BCO1: variants seen among roughly 807,000 people sequenced by gnomAD.
BCO1 encodes beta,beta-carotene 15,15'-dioxygenase.
BCO1 carries 54 observed loss-of-function variants against 56.3 expected under a neutral mutation model. That is an observed-to-expected ratio of 0.96 (90% CI 0.77 to 1.20). The LOEUF is 1.20. Among genes scored for constraint, BCO1 ranks in the 50% most tolerant of loss-of-function variants. The pLI is 0.00. For missense variants in BCO1, 801 were observed against 690.9 expected, an observed-to-expected ratio of 1.16 and a Z score of -1.79; for synonymous variants, 318 against 266.1, an observed-to-expected ratio of 1.20 and a Z score of -1.90.
At chr16:81,245,640 C>T (rs1389373314) in intron 2 of BCO1, 37 bp downstream of exon 2, 4 of 1,613,434 alleles carry the variant, frequency 2.5e-6, no homozygotes, top group Non-Finnish European at 3.4e-6. Context: ...ACTGCTGCAG[C>T]AAAGGACCCC....
intron 7 of BCO1, among the ~76,000 whole-genome samples, chr16:81,279,346 T>C (rs1354198603): frequency 6.6e-6 from 1 of 152,150 alleles, no homozygotes; most frequent in African/African-American, 2.4e-5. Context: ...AAGTCAGCCA[T>C]AACAATAATG....
At chr16:81,267,335 G>A (rs988357233) in intron 5 of BCO1, among the ~76,000 whole-genome samples, 7 of 152,090 alleles carry the variant, frequency 4.6e-5, no homozygotes, top group Admixed American at 1.3e-4. Flanking sequence ...AATTATGGCC[G>A]GGCGCAGTGG....
At chr16:81,251,888 G>A (rs1227798790) in intron 2 of BCO1, among the ~76,000 whole-genome samples, 1 of 150,824 alleles carries the variant, frequency 6.6e-6, no homozygotes, top group Non-Finnish European at 1.5e-5. Flanking sequence ...GTGTGTGTGT[G>A]TGTATATATA....
In BCO1 at chr16:81,285,833, G is replaced by A. The variant is rs12449108; in HGVS notation, c.1302+199G>A. Among the ~76,000 whole-genome samples the A allele has an allele frequency of 0.29, 44,350 of 151,978 alleles. 7,696 individuals are homozygous for A. Among genetic ancestry groups the A allele is most frequent in the African/African-American group, 0.48 (19,956 of 41,400 alleles). On this transcript the variant is annotated intron_variant, in intron 9 of 10. Coordinates refer to ENST00000258168, the MANE Select transcript of BCO1 (RefSeq NM_017429.3). ...TGGGCTAAGGTTCAGGTAAGAGGTT[G>A]TGGCTGGAGTTTATTCACTGATTTC...
intron 1 of BCO1, among the ~76,000 whole-genome samples, chr16:81,239,275 C>G (rs768912003): frequency 1.3e-5 from 2 of 152,022 alleles, no homozygotes; most frequent in Non-Finnish European, 2.9e-5. Context: ...CCTCGGCCTC[C>G]GAAAGTGCTA....
Position 81,259,790 on chromosome 16 carries a change from A to G in BCO1, c.308A>G (p.Lys103Arg), listed in dbSNP as rs776149387. ...ACAATGGCCTATCCGGACCCCTGCA[A>G]AAACATATTTTCCAAGTAACTGCCT... is the stretch of plus-strand genomic sequence containing the variant. ...FGTMAYPDPC[K>R]NIFSKAFSYL... is the part of the protein sequence containing the mutation. Residue 103 changes from lysine to arginine, a missense_variant, in exon 3 of 11, where the codon AAA becomes AGA. Coordinates refer to ENST00000258168, the MANE Select transcript of BCO1 (RefSeq NM_017429.3). 1.9e-6 allele frequency: 3 copies of G among 1,614,236 alleles called. No homozygotes were observed. Among genetic ancestry groups the G allele is most frequent in the Non-Finnish European group, 2.5e-6 (3 of 1,180,032 alleles).
chr16:81,280,885 A>C lies in BCO1; in HGVS notation c.1130A>C (p.Lys377Thr). 1 of 1,614,122 alleles carries C rather than the reference A, an allele frequency of 6.2e-7. No individual in the cohort carries two copies. Among genetic ancestry groups the C allele is most frequent in the Non-Finnish European group, 8.5e-7 (1 of 1,179,948 alleles). The part of the protein sequence containing the change: ...KNAEVGTNLI[K>T]VASTTATALK... ...GCAGAAGTGGGCACAAATTTAATCA[A>C]AGTGGCATCTACAACAGCCACGGCC... The change falls in exon 8 of 11, where the codon AAA becomes ACA. Residue 377 changes from lysine to threonine, a missense_variant. Coordinates refer to ENST00000258168, the MANE Select transcript of BCO1 (RefSeq NM_017429.3).
rs919234426 is a variant in BCO1 at position 81,240,660 on chromosome 16, G to A, written c.64+1688G>A. On this transcript the variant is annotated intron_variant, in intron 1 of 10. Coordinates refer to ENST00000258168, the MANE Select transcript of BCO1 (RefSeq NM_017429.3). ...GCAGAGGTTGCAGTGAGCTGAGATC[G>A]TGCCACTGCACTCTGGCCTTGGCAA... Among the ~76,000 whole-genome samples, 4 of 151,756 alleles carry A rather than the reference G, an allele frequency of 2.6e-5. No individual in the cohort carries two copies. In the East Asian group the frequency reaches 5.8e-4, roughly 22 times the overall value.
rs1261256429 is a variant in BCO1, at chr16:81,238,867, C to A, written c.-42C>A. On this transcript the variant is annotated 5_prime_UTR_variant, in exon 1 of 11. Transcript: ENST00000258168. Reference sequence around the variant, plus strand: ...CATCTCCTGTGAACACAGAGGAGCACCTGTTTGCTGTTAAAATCGATCTCC... The same window carrying A: ...CATCTCCTGTGAACACAGAGGAGCAACTGTTTGCTGTTAAAATCGATCTCC... 14 of 1,572,676 alleles carry A rather than the reference C, an allele frequency of 8.9e-6. No homozygotes were observed. The highest frequency in any genetic ancestry group is 1.1e-5 in the Non-Finnish European group (12 of 1,142,432).
At chr16:81,288,022 C>G (rs891054785) in intron 10 of BCO1, among the ~76,000 whole-genome samples, 20 of 152,142 alleles carry the variant, frequency 1.3e-4, no homozygotes, top group Admixed American at 2.0e-4. Flanking sequence ...ATAAATCCCA[C>G]TGTAAGGGTA....
intron 7 of BCO1, among the ~76,000 whole-genome samples, chr16:81,274,643 C>T (rs951880389): frequency 3.9e-5 from 6 of 152,170 alleles, no homozygotes; most frequent in South Asian, 2.1e-4. Flanking sequence ...CTTTAGGAGG[C>T]CCAGGCAGGT....
At position 81,264,791 on chromosome 16, in the gene BCO1, G is replaced by A; in HGVS notation, c.619+4G>A. Reference sequence around the variant, plus strand: ...AAGATCCCTGCCACAGTACCAGGTAGGCCACTCTGGGGAATTGAATAAAAC... The same window carrying A: ...AAGATCCCTGCCACAGTACCAGGTAAGCCACTCTGGGGAATTGAATAAAAC... On this transcript the variant is annotated splice_donor_region_variant and intron_variant, in intron 5 of 10. Transcript: ENST00000258168. 4.3e-6 allele frequency: 7 copies of A among 1,614,110 alleles called. No individual in the cohort carries two copies. The highest frequency in any genetic ancestry group is 5.9e-6 in the Non-Finnish European group (7 of 1,179,992).
intron 2 of BCO1, among the ~76,000 whole-genome samples, chr16:81,257,662 G>T (rs1168354819): frequency 6.6e-6 from 1 of 151,826 alleles, no homozygotes; most frequent in Non-Finnish European, 1.5e-5. Context: ...GGTCTCCTGT[G>T]GTCAGGAGTT....
At chr16:81,249,961 A>G (rs1034630312) in intron 2 of BCO1, among the ~76,000 whole-genome samples, 7 of 152,228 alleles carry the variant, frequency 4.6e-5, no homozygotes, top group African/African-American at 1.4e-4. Context: ...TGGAAACTGT[A>G]TATGGAGCTG....
chr16:81,268,103 C>T lies in BCO1; in HGVS notation c.815C>T (p.Ser272Phe), dbSNP rs1161119082. ...TAYIRRMSWA[S>F]CLAFHREEKT... ...TACATCCGGAGAATGAGCTGGGCCT[C>T]CTGCCTGGCTTTCCACAGGGAGGAG... Residue 272 changes from serine to phenylalanine, a missense_variant, in exon 6 of 11, where the codon TCC (serine) becomes TTC (phenylalanine). By Grantham distance (155) the Ser-to-Phe change is radical. Coordinates refer to ENST00000258168, the MANE Select transcript of BCO1 (RefSeq NM_017429.3). The T allele has an allele frequency of 1.2e-6, 2 of 1,610,604 alleles. No individual in the cohort carries two copies. The highest frequency in any genetic ancestry group is 2.7e-5 in the African/African-American group (2 of 74,864).
Position 81,256,986 on chromosome 16 carries a change from A to T in BCO1, c.194-2690A>T, listed in dbSNP as rs1906177278. Reference sequence around the variant, plus strand: ...ACTCCTGTCCTCCAAATCCCTCTCTAATGTTCCAGCCCAGCCGAACTCAAC... The same window carrying T: ...ACTCCTGTCCTCCAAATCCCTCTCTTATGTTCCAGCCCAGCCGAACTCAAC... On this transcript the variant is annotated intron_variant, in intron 2 of 10. Coordinates refer to ENST00000258168, the MANE Select transcript of BCO1 (RefSeq NM_017429.3). Among the ~76,000 whole-genome samples, 2 of 152,020 alleles carry T rather than the reference A, an allele frequency of 1.3e-5. 1 individual carries two copies. Among genetic ancestry groups the T allele is most frequent in the South Asian group, 4.1e-4 (2 of 4,826 alleles).
chr16:81,267,720 T>C (rs1360327745), intron 5 of BCO1, among the ~76,000 whole-genome samples, 188 bp from the exon 6 acceptor site: 16 of 152,130 alleles, frequency 1.1e-4, no homozygotes, highest in Admixed American at 9.8e-4. Context: ...ATGGGGTGGG[T>C]GCTGAGTGGA....
At chr16:81,243,691 G>T (rs563928037) in intron 1 of BCO1, among the ~76,000 whole-genome samples, 11 of 152,266 alleles carry the variant, frequency 7.2e-5, no homozygotes, top group African/African-American at 2.4e-4. Context: ...CTTGTCTCCA[G>T]CTCCTGACCT....
intron 7 of BCO1, among the ~76,000 whole-genome samples, chr16:81,270,692 CTG>C (rs58969930): frequency 3.3e-4 from 47 of 143,782 alleles, no homozygotes; most frequent in African/African-American, 1.0e-3. Flanking sequence ...CTCTCTGTGT[CTG>C]TGTGTGTGTG....
Sources: allele counts gnomAD v4.1 joint callset (sites outside exome capture counted in the v4.1 genomes callset), GRCh38; gene constraint gnomAD v4.1.1; transcripts MANE v1.5; gene names NCBI Gene and HGNC (gene_info 2026-07-23, HGNC 2026-07-21).